XKR6: variants seen among roughly 807,000 people sequenced by gnomAD.
The protein encoded by XKR6 is XK related 6, also known as XK-related protein 6.
Under a neutral mutation model 56.7 loss-of-function variants are expected in XKR6, and 22 were observed. The observed-to-expected ratio is 0.39, with a 90% CI of 0.28 to 0.55. The LOEUF (loss-of-function observed/expected upper bound fraction) is 0.55, where lower values mean the gene tolerates loss of function less well. XKR6 is among the 20% of genes least tolerant of loss of function. The pLI, the probability that XKR6 is intolerant of heterozygous loss-of-function variation, is 0.66. For missense variants in XKR6, 852 were observed against 889.0 expected (o/e 0.96, Z 0.53); for synonymous variants, 524 against 387.8 (o/e 1.35, Z -4.13).
chr8:11,101,715 A>G (rs1178745804), intron 1 of XKR6, among the ~76,000 whole-genome samples: 1 of 152,144 alleles, frequency 6.6e-6, no homozygotes, highest in African/African-American at 2.4e-5. Context: ...ACTCCTTAGC[A>G]TCAAGTTTGC....
intron 1 of XKR6, among the ~76,000 whole-genome samples, chr8:11,082,776 C>T (rs963605864): frequency 1.3e-5 from 2 of 152,154 alleles, no homozygotes; most frequent in African/African-American, 2.4e-5. Flanking sequence ...GCCTTTGGGC[C>T]GTCCTCGAAC....
chr8:11,072,245 G>A (rs1800150579), intron 1 of XKR6, among the ~76,000 whole-genome samples: 1 of 146,698 alleles, frequency 6.8e-6, no homozygotes, highest in Non-Finnish European at 1.5e-5. Context: ...CTCTGTTTTG[G>A]TAAGGTCTGC....
intron 1 of XKR6, among the ~76,000 whole-genome samples, chr8:11,046,075 A>C (rs1466381593): frequency 6.6e-6 from 1 of 151,940 alleles, no homozygotes; most frequent in Non-Finnish European, 1.5e-5. Flanking sequence ...ATCCAATCCC[A>C]CTTCCGGGTA....
At chr8:11,169,909 A>G (rs779737279) in intron 1 of XKR6, among the ~76,000 whole-genome samples, 9 of 152,192 alleles carry the variant, frequency 5.9e-5, no homozygotes, top group Non-Finnish European at 1.2e-4. Flanking sequence ...ATTTTACAAT[A>G]AATTTTTAAT....
rs988344609 is a variant in XKR6 at position 11,114,752 on chromosome 8, T to C, written c.764+85824A>G. 7.9e-3 allele frequency among the ~76,000 whole-genome samples: 1,102 copies of C among 138,712 alleles called. 19 individuals are homozygous for C. Among genetic ancestry groups the C allele is most frequent in the African/African-American group, 0.026 (1,045 of 40,108 alleles). 91.0% of individuals were successfully genotyped at this position (138,712 alleles called of 152,430 possible). ...ATGTGTGTGTGTGTGTGTGTGTGTG[T>C]GTGTGTGTGTGTGTGTGTGTGTATG... On this transcript the variant is annotated intron_variant, in intron 1 of 2. Transcript: ENST00000416569.
chr8:11,085,088 G>A (rs566511412), intron 1 of XKR6, among the ~76,000 whole-genome samples: 4 of 151,788 alleles, frequency 2.6e-5, no homozygotes, highest in East Asian at 1.9e-4. Flanking sequence ...TTCCTCCTCC[G>A]CCTCCTCCTT....
intron 1 of XKR6, among the ~76,000 whole-genome samples, chr8:11,199,520 C>A (rs945687183): frequency 6.6e-6 from 1 of 152,212 alleles, no homozygotes. Flanking sequence ...AAGAGCTTGT[C>A]CCTGTGTAAT....
At chr8:10,946,244 G>A (rs1563304212) in intron 1 of XKR6, among the ~76,000 whole-genome samples, 1 of 151,982 alleles carries the variant, frequency 6.6e-6, no homozygotes, top group East Asian at 1.9e-4. Flanking sequence ...CCCACAGGAG[G>A]GAAACACGAA....
intron 1 of XKR6, among the ~76,000 whole-genome samples, chr8:11,145,913 C>T (rs994487066): frequency 1.1e-4 from 17 of 152,132 alleles, no homozygotes; most frequent in Admixed American, 6.5e-4. Flanking sequence ...GGAAGAATAA[C>T]GTTTGAGGAC....
rs781385894 is a variant in XKR6, at chr8:11,141,077, C to G, written c.764+59499G>C. On this transcript the variant is annotated intron_variant, in intron 1 of 2. Coordinates refer to ENST00000416569, the MANE Select transcript of XKR6 (RefSeq NM_173683.4). ...CAGAGATTACAACACGTAATGGTTA[C>G]ACGCTAAGTCGACATGGTACAACAA... is the stretch of plus-strand genomic sequence containing the variant. Among the ~76,000 whole-genome samples the G allele has an allele frequency of 3.9e-5, 6 of 152,218 alleles. 1 individual carries two copies. In the South Asian group the frequency reaches 1.2e-3, roughly 32 times the overall value.
At chr8:11,079,525 C>CACCAATT (rs1389979568) in intron 1 of XKR6, among the ~76,000 whole-genome samples, 2 of 152,190 alleles carry the variant, frequency 1.3e-5, no homozygotes, top group Non-Finnish European at 1.5e-5. Context: ...GTCTACACTG[C>CACCAATT]ACCAATTGTT....
chr8:10,985,420 T>C (rs1207546927), intron 1 of XKR6, among the ~76,000 whole-genome samples: 1 of 152,022 alleles, frequency 6.6e-6, no homozygotes, highest in Non-Finnish European at 1.5e-5. Flanking sequence ...AAAAGGAACA[T>C]TGTCTAGATC....
At chr8:10,963,586 G>T (rs1802129282) in intron 1 of XKR6, among the ~76,000 whole-genome samples, 1 of 151,742 alleles carries the variant, frequency 6.6e-6, no homozygotes, top group East Asian at 1.9e-4. Context: ...CTGTCACCCA[G>T]GCTGGAGTGC....
chr8:10,968,640 GT>G (rs1345554791), intron 1 of XKR6, among the ~76,000 whole-genome samples: 1 of 152,218 alleles, frequency 6.6e-6, no homozygotes, highest in African/African-American at 2.4e-5. Context: ...CTTCTCCCCA[GT>G]TGTCAGCTCA....
At chr8:10,964,023 G>T (rs1013274197) in intron 1 of XKR6, among the ~76,000 whole-genome samples, 1 of 152,200 alleles carries the variant, frequency 6.6e-6, no homozygotes, top group South Asian at 2.1e-4. Context: ...TGGTGGCAGG[G>T]ACTGCACATC....
chr8:11,148,767 GACAAC>G (rs1801120565), intron 1 of XKR6, among the ~76,000 whole-genome samples: 1 of 152,160 alleles, frequency 6.6e-6, no homozygotes, highest in Non-Finnish European at 1.5e-5. Context: ...CTAAACTGCA[GACAAC>G]ACAAGTATCC....
chr8:11,148,469 A>AT (rs1269615144), intron 1 of XKR6, among the ~76,000 whole-genome samples: 2 of 152,224 alleles, frequency 1.3e-5, no homozygotes, highest in Non-Finnish European at 2.9e-5. Flanking sequence ...CTCTGAAGAA[A>AT]TACATTGCTG....
intron 1 of XKR6, among the ~76,000 whole-genome samples, chr8:10,985,885 C>T (rs932926986): frequency 3.3e-5 from 5 of 152,192 alleles, no homozygotes; most frequent in African/African-American, 1.2e-4. Flanking sequence ...GGATTACAGG[C>T]ATGAGCCACT....
chr8:11,164,289 C>G (rs938915450), intron 1 of XKR6, among the ~76,000 whole-genome samples: 5 of 152,194 alleles, frequency 3.3e-5, no homozygotes, highest in African/African-American at 9.6e-5. Flanking sequence ...AGCAGCCATG[C>G]TAGGAACGAG....
Sources: gnomAD v4.1 joint callset for allele counts (sites outside exome capture counted in the v4.1 genomes callset) on GRCh38, gnomAD v4.1.1 for gene constraint, MANE v1.5 for transcripts, NCBI Gene and HGNC (gene_info 2026-07-23, HGNC 2026-07-21) for gene names.